The following EEA1 variants were observed in gnomAD, a reference collection of about 807,000 sequenced individuals.
The protein encoded by EEA1 is early endosome antigen 1, 162kD.
A neutral mutation model predicts 209.2 loss-of-function variants in EEA1; 111 were observed. That is an observed-to-expected ratio of 0.53 (90% CI 0.45 to 0.62). EEA1 has a LOEUF of 0.62. Ranked by LOEUF, EEA1 falls within the 20% of genes least tolerant of loss-of-function variation. The pLI is 0.00. For synonymous variants in EEA1, 536 were observed against 540.6 expected, an observed-to-expected ratio of 0.99 and a Z score of 0.12; for missense variants, 1,343 against 1,530.8, an observed-to-expected ratio of 0.88 and a Z score of 2.05.
At chr12:92,828,087 T>A (rs369554750) in intron 11 of EEA1, 26 bp from the exon 12 acceptor site, 8 of 1,513,476 alleles carry the variant, frequency 5.3e-6, no homozygotes, top group Non-Finnish European at 7.0e-6. Context: ...AAAAAATGTA[T>A]GTACATATGT....
At chr12:92,871,485 A>T (rs1878643555) in intron 2 of EEA1, among the ~76,000 whole-genome samples, 1 of 152,222 alleles carries the variant, frequency 6.6e-6, no homozygotes. Context: ...ATGCTCCAAT[A>T]AATCAATAGC....
At chr12:92,784,377 G>A (rs1417504671) in intron 22 of EEA1, among the ~76,000 whole-genome samples, 1 of 152,180 alleles carries the variant, frequency 6.6e-6, no homozygotes, top group African/African-American at 2.4e-5. Context: ...CAAAGGGTGA[G>A]AGTGATTTCA....
chr12:92,875,690 G>A (rs376275008), intron 2 of EEA1, among the ~76,000 whole-genome samples: 46 of 152,138 alleles, frequency 3.0e-4, no homozygotes, highest in Non-Finnish European at 5.3e-4. Context: ...AAAATTATCC[G>A]ATAGCTTTCT....
intron 1 of EEA1, among the ~76,000 whole-genome samples, chr12:92,919,351 A>C (rs1301590267): frequency 2.0e-5 from 3 of 147,008 alleles, no homozygotes; most frequent in Non-Finnish European, 4.5e-5. Flanking sequence ...TCCTCAATAA[A>C]ATACTGGCAA....
chr12:92,928,798 C>T (rs1881308765), intron 1 of EEA1, among the ~76,000 whole-genome samples: 1 of 151,658 alleles, frequency 6.6e-6, no homozygotes, highest in South Asian at 2.1e-4. Context: ...ACACACGGAG[C>T]CCCGCGCCGG....
chr12:92,842,002 C>A (rs952962428), intron 10 of EEA1, among the ~76,000 whole-genome samples: 1 of 152,120 alleles, frequency 6.6e-6, no homozygotes, highest in Non-Finnish European at 1.5e-5. Flanking sequence ...TATATACATA[C>A]AACAAAATGT....
At chr12:92,790,749 T>C (rs980167397) in intron 21 of EEA1, among the ~76,000 whole-genome samples, 3 of 152,078 alleles carry the variant, frequency 2.0e-5, no homozygotes, top group Non-Finnish European at 4.4e-5. Context: ...CAGGCCAACA[T>C]TCAAATTCAG....
intron 1 of EEA1, among the ~76,000 whole-genome samples, chr12:92,893,854 C>CA (rs1555207576): frequency 6.6e-6 from 1 of 150,664 alleles, no homozygotes; most frequent in Non-Finnish European, 1.5e-5. Context: ...GCCAGCATTC[C>CA]TTTTTTTTTC....
At chr12:92,836,345 T>A (rs1219855841) in intron 10 of EEA1, among the ~76,000 whole-genome samples, 1 of 152,216 alleles carries the variant, frequency 6.6e-6, no homozygotes, top group South Asian at 2.1e-4. Context: ...CTTCCAAGTA[T>A]CCAGTCCCTT....
At chr12:92,821,544 C>A (rs1244499912) in intron 13 of EEA1, among the ~76,000 whole-genome samples, 1 of 152,160 alleles carries the variant, frequency 6.6e-6, no homozygotes, top group African/African-American at 2.4e-5. Flanking sequence ...TCACAAAGCT[C>A]CATAGATCGA....
Position 92,801,594 on chromosome 12 carries a change from T to A in EEA1, c.2772+6A>T, listed in dbSNP as rs776071631. On this transcript the variant is annotated splice_donor_region_variant and intron_variant, in intron 20 of 28. Coordinates refer to ENST00000322349, the MANE Select transcript of EEA1 (RefSeq NM_003566.4). ...CAGATTTTATGTTACAAAAAAAAAATCTTACCTCCTTCTCTTTTTCAAGTG... is the reference window on the plus strand; with the variant it reads ...CAGATTTTATGTTACAAAAAAAAAAACTTACCTCCTTCTCTTTTTCAAGTG... 6 of 1,562,144 alleles carry A rather than the reference T, an allele frequency of 3.8e-6. No individual in the cohort carries two copies. Among genetic ancestry groups the A allele is most frequent in the Non-Finnish European group, 4.3e-6 (5 of 1,156,452 alleles).
At chr12:92,800,136 CG>C (rs1276218681) in intron 20 of EEA1, among the ~76,000 whole-genome samples, 1 of 151,756 alleles carries the variant, frequency 6.6e-6, no homozygotes, top group Admixed American at 6.6e-5. Context: ...GCAGGAGAAT[CG>C]CTTGAACTTA....
intron 9 of EEA1, among the ~76,000 whole-genome samples, chr12:92,847,942 A>T (rs1228884400): frequency 2.6e-5 from 4 of 152,146 alleles, no homozygotes; most frequent in Admixed American, 2.6e-4. Context: ...TAATAATATT[A>T]TTCTGACTCT....
At chr12:92,776,666 T>G (rs1251395648) in intron 28 of EEA1, among the ~76,000 whole-genome samples, 178 bp downstream of exon 28, 1 of 151,904 alleles carries the variant, frequency 6.6e-6, no homozygotes, top group Non-Finnish European at 1.5e-5. Context: ...AAAGTAAAAT[T>G]CAAACACATA....
At chr12:92,866,957 C>T (rs542161775) in intron 2 of EEA1, among the ~76,000 whole-genome samples, 20 of 152,200 alleles carry the variant, frequency 1.3e-4, no homozygotes, top group Admixed American at 3.9e-4. Flanking sequence ...TGCAGCTGCT[C>T]GTGTTCGGAT....
chr12:92,875,735 A>G (rs1175355200), intron 2 of EEA1, among the ~76,000 whole-genome samples: 6 of 152,156 alleles, frequency 3.9e-5, no homozygotes, highest in South Asian at 2.1e-4. Flanking sequence ...AGTCTGTATA[A>G]TAGTCTATAA....
chr12:92,779,393 A>C, intron 24 of EEA1, 93 bp from the exon 25 acceptor site: 1 of 1,164,924 alleles, frequency 8.6e-7, no homozygotes, highest in Non-Finnish European at 1.2e-6. Context: ...CAATAGATCA[A>C]ATATAGGTTT....
In EEA1 at chr12:92,776,064, A is replaced by T; in HGVS notation, c.4183T>A (p.Ser1395Thr). ...TCACAGACACGAACAGGCTTCTTGG[A>T]GGAAGGAGTTAAGGCATTTTTGGCT... ...CSAKNALTPSSKKPVRVCDAC... is the reference protein window; with the variant it reads ...CSAKNALTPSTKKPVRVCDAC... Residue 1395 changes from serine to threonine, a missense_variant, in exon 29 of 29, where the codon TCC (serine) becomes ACC (threonine). By Grantham distance (58) the Ser-to-Thr change is moderately conservative. Coordinates refer to ENST00000322349, the MANE Select transcript of EEA1 (RefSeq NM_003566.4). 6.2e-7 allele frequency: 1 copy of T among 1,611,762 alleles called. No homozygotes were observed.
At chr12:92,928,367 C>T (rs1881290049) in intron 1 of EEA1, among the ~76,000 whole-genome samples, 1 of 152,160 alleles carries the variant, frequency 6.6e-6, no homozygotes, top group South Asian at 2.1e-4. Context: ...AAGCTTACTG[C>T]GGATTTATTC....
Sources: allele counts gnomAD v4.1 joint callset (sites outside exome capture counted in the v4.1 genomes callset), GRCh38; gene constraint gnomAD v4.1.1; transcripts MANE v1.5; gene names NCBI Gene and HGNC (gene_info 2026-07-23, HGNC 2026-07-21).